ZBBX: variants seen among roughly 807,000 people sequenced by gnomAD.
ZBBX encodes zinc finger B-box domain-containing protein 1.
Under a neutral mutation model 108.5 loss-of-function variants are expected in ZBBX, and 101 were observed. That is an observed-to-expected ratio of 0.93 (90% CI 0.79 to 1.10). The LOEUF is 1.10. ZBBX is among the 50% of genes least tolerant of loss of function. The pLI, the probability that ZBBX is intolerant of heterozygous loss-of-function variation, is 0.00. For synonymous variants in ZBBX, 356 were observed against 323.4 expected (o/e 1.10, Z -1.08); for missense variants, 1,009 against 941.4 (o/e 1.07, Z -0.94).
intron 1 of ZBBX, among the ~76,000 whole-genome samples, chr3:167,403,878 A>G (rs1748500670): frequency 6.6e-6 from 1 of 152,134 alleles, no homozygotes; most frequent in African/African-American, 2.4e-5. Flanking sequence ...AAAAGGAGGC[A>G]GGAAAGTAAG....
At chr3:167,285,574 G>C (rs1217751007) in intron 19 of ZBBX, among the ~76,000 whole-genome samples, 2 of 152,060 alleles carry the variant, frequency 1.3e-5, no homozygotes, top group Non-Finnish European at 2.9e-5. Context: ...GAATGTTATT[G>C]TGTTATCTTA....
chr3:167,276,040 G>T lies in ZBBX; in HGVS notation c.2254+6198C>A, dbSNP rs1727514414. On this transcript the variant is annotated intron_variant, in intron 20 of 21. Coordinates refer to ENST00000675490, the MANE Select transcript of ZBBX (RefSeq NM_001199201.2). ...GCAGACTGACACCTCACACGGCCGG[G>T]TACTCCAACAGACCTGCAGCTGAGG... Among the ~76,000 whole-genome samples, 5 of 151,898 alleles carry T rather than the reference G, an allele frequency of 3.3e-5. No individual in the cohort carries two copies. In the South Asian group the frequency reaches 1.0e-3, roughly 32 times the overall value.
chr3:167,284,912 T>C (rs968860803), intron 19 of ZBBX, among the ~76,000 whole-genome samples: 7 of 152,222 alleles, frequency 4.6e-5, no homozygotes, highest in South Asian at 2.1e-4. Context: ...TAACACAACA[T>C]TAACACTGGC....
intron 2 of ZBBX, among the ~76,000 whole-genome samples, chr3:167,377,689 A>T (rs1356737977): frequency 5.3e-5 from 8 of 151,668 alleles, no homozygotes; most frequent in South Asian, 2.1e-4. Flanking sequence ...TATATTTTTT[A>T]AAATATTTAA....
chr3:167,313,491 C>G (rs1560108520), intron 16 of ZBBX, among the ~76,000 whole-genome samples: 2 of 151,778 alleles, frequency 1.3e-5, no homozygotes, highest in South Asian at 4.2e-4. Context: ...CTATGTTGGC[C>G]AGGCTGGTCT....
intron 1 of ZBBX, among the ~76,000 whole-genome samples, chr3:167,385,851 T>C (rs1452559128): frequency 6.6e-6 from 1 of 151,996 alleles, no homozygotes; most frequent in Non-Finnish European, 1.5e-5. Context: ...ACTTACATGG[T>C]GCATAACTGT....
chr3:167,238,604 T>G (rs941305952), downstream of ZBBX, among the ~76,000 whole-genome samples: 1 of 152,086 alleles, frequency 6.6e-6, no homozygotes, highest in East Asian at 1.9e-4. Context: ...TGTATAAGAC[T>G]CACAGAGAAG....
In ZBBX at chr3:167,316,992, CT is replaced by C. The variant is rs776689401; in HGVS notation, c.1194+12del. ...AAAAATCATGAATGGTCATTATGCA[CT>C]TATGCACTTACATCATCCAGTTCGA... On this transcript the variant is annotated intron_variant, in intron 14 of 21. Transcript: ENST00000675490. The C allele has an allele frequency of 1.3e-6, 2 of 1,508,336 alleles. No individual in the cohort carries two copies. Among genetic ancestry groups the C allele is most frequent in the South Asian group, 2.3e-5 (2 of 85,732 alleles). 93.4% of individuals were successfully genotyped at this position (1,508,336 alleles called of 1,614,324 possible).
At chr3:167,258,548 G>A (rs1386615587) in intron 20 of ZBBX, among the ~76,000 whole-genome samples, 1 of 152,116 alleles carries the variant, frequency 6.6e-6, no homozygotes, top group African/African-American at 2.4e-5. Context: ...CTATGTTGAA[G>A]AAGAGTGGTA....
At chr3:167,325,295 G>C (rs1465797009) in intron 11 of ZBBX, among the ~76,000 whole-genome samples, 1 of 152,060 alleles carries the variant, frequency 6.6e-6, no homozygotes, top group African/African-American at 2.4e-5. Context: ...ACATGGCTGG[G>C]GAGGCCTCAT....
At chr3:167,241,408 T>C (rs558768776) in intron 21 of ZBBX, among the ~76,000 whole-genome samples, 7 of 152,338 alleles carry the variant, frequency 4.6e-5, no homozygotes, top group Non-Finnish European at 1.0e-4. Context: ...TTGCATTTTA[T>C]TGGTGGCAGC....
chr3:167,209,610 A>G, the ZBBX span, among the ~76,000 whole-genome samples: 4 of 152,212 alleles, frequency 2.6e-5, no homozygotes, highest in Non-Finnish European at 4.4e-5. Flanking sequence ...CCCAAGAGGG[A>G]TAGGTACAAA....
intron 8 of ZBBX, among the ~76,000 whole-genome samples, chr3:167,351,270 G>A (rs1418480810): frequency 1.3e-5 from 2 of 152,090 alleles, no homozygotes; most frequent in Non-Finnish European, 2.9e-5. Flanking sequence ...CTATGATGGT[G>A]CCAAGCAAAA....
intron 2 of ZBBX, among the ~76,000 whole-genome samples, chr3:167,377,260 C>T (rs565801861): frequency 8.5e-5 from 13 of 152,112 alleles, no homozygotes; most frequent in East Asian, 1.9e-4. Context: ...AAACAAGGAA[C>T]GTACAATGCT....
intron 1 of ZBBX, among the ~76,000 whole-genome samples, chr3:167,385,952 T>C (rs1198673668): frequency 6.6e-6 from 1 of 152,098 alleles, no homozygotes; most frequent in African/African-American, 2.4e-5. Context: ...TGCCTTTGCC[T>C]GCCAACAATC....
intron 20 of ZBBX, among the ~76,000 whole-genome samples, chr3:167,249,061 A>T (rs1045402911): frequency 2.0e-5 from 3 of 152,206 alleles, no homozygotes; most frequent in Admixed American, 2.0e-4. Flanking sequence ...CGCTCAGCCT[A>T]TACTCCTCTG....
At chr3:167,238,076 GGAGGGTAGAAA>G (rs1191765319), downstream of ZBBX, among the ~76,000 whole-genome samples, 2 of 151,984 alleles carry the variant, frequency 1.3e-5, no homozygotes, top group Non-Finnish European at 2.9e-5. Context: ...TTAGAGCAAA[GGAGGGTAGAAA>G]GAGTCATGAA....
chr3:167,325,455 C>T (rs141457196), intron 11 of ZBBX, among the ~76,000 whole-genome samples: 55 of 152,192 alleles, frequency 3.6e-4, no homozygotes, highest in African/African-American at 1.2e-3. Context: ...AAGACCCACT[C>T]CCATGATTCA....
chr3:167,365,820 C>T (rs1745231004), intron 6 of ZBBX, 66 bp downstream of exon 6: 7 of 1,152,982 alleles, frequency 6.1e-6, no homozygotes, highest in Non-Finnish European at 8.7e-6. Flanking sequence ...GAAGAAAATG[C>T]AAGACCTAAA....
Sources: gnomAD v4.1 joint callset for allele counts (sites outside exome capture counted in the v4.1 genomes callset) on GRCh38, gnomAD v4.1.1 for gene constraint, MANE v1.5 for transcripts, NCBI Gene and HGNC (gene_info 2026-07-23, HGNC 2026-07-21) for gene names.